Variants in BAG2 observed in about 807,000 individuals in gnomAD.
BAG2 encodes BAG family molecular chaperone regulator 2.
In BAG2, 8 loss-of-function variants were observed where a neutral mutation model predicts 16.4. That is an observed-to-expected ratio of 0.49 (90% CI 0.29 to 0.88). The LOEUF (loss-of-function observed/expected upper bound fraction) is 0.88, where lower values mean the gene tolerates loss of function less well. BAG2 is among the 40% of genes least tolerant of loss of function. BAG2 has a pLI of 0.09. For synonymous variants in BAG2, 82 were observed against 89.2 expected (o/e 0.92, Z 0.46); for missense variants, 218 against 248.9 (o/e 0.88, Z 0.84).
rs1032492787 is a variant in BAG2 at position 57,185,272 on chromosome 6, A to C, written c.*1082A>C. ...TGCATTTTGTTTACTAAAAAGGTTG[A>C]CCAGTGTGTTGATTCTTCTTTTATC... On this transcript the variant is annotated 3_prime_UTR_variant, in exon 3 of 3. Coordinates refer to ENST00000370693, the MANE Select transcript of BAG2 (RefSeq NM_004282.4). 3.3e-5 allele frequency: 5 copies of C among 152,226 alleles called. No individual in the cohort carries two copies. The highest frequency in any genetic ancestry group is 5.9e-5 in the Non-Finnish European group (4 of 68,046). The allele number at this position is 152,226 out of a possible 1,614,324, so 9.4% of individuals were successfully genotyped here.
At position 57,175,953 on chromosome 6, in the gene BAG2, A is replaced by AG. The variant is rs1216300485; in HGVS notation, c.113+3146dup. 3.9e-5 allele frequency among the ~76,000 whole-genome samples: 6 copies of AG among 152,106 alleles called. No homozygotes were observed. The East Asian group carries it at 1.2e-3, about 29-fold the overall frequency. ...TGGAGGCCTAGACTTGCAACGGTGG[A>AG]GGGTGGGGTCTTGGGGACTGAGCTT... On this transcript the variant is annotated intron_variant, in intron 1 of 2. Coordinates refer to ENST00000370693, the MANE Select transcript of BAG2 (RefSeq NM_004282.4).
Position 57,182,060 on chromosome 6 carries a change from G to C in BAG2, c.142G>C (p.Ala48Pro). Residue 48 changes from alanine to proline, a missense_variant, in exon 2 of 3, where the codon GCT becomes CCT. Physicochemically the swap from Ala to Pro is conservative, Grantham distance 27. This residue lies in a region of BAG2 where 75 missense variants were observed against 63.1 expected (regional missense o/e 1.19). Coordinates refer to ENST00000370693, the MANE Select transcript of BAG2 (RefSeq NM_004282.4). ...TGAAGCTTTGAGAGAAGCAGCAACT[G>C]CTGTTGAGCAAGAGAAAGAAATCCT... ...RVEALREAAT[A>P]VEQEKEILLE... is the part of the protein sequence containing the mutation. The C allele has an allele frequency of 2.5e-6, 4 of 1,614,122 alleles. No individual in the cohort carries two copies. The highest frequency in any genetic ancestry group is 3.4e-6 in the Non-Finnish European group (4 of 1,180,010).
chr6:57,180,439 T>TAA (rs374610477), intron 1 of BAG2, among the ~76,000 whole-genome samples: 2 of 145,500 alleles, frequency 1.4e-5, no homozygotes, highest in Non-Finnish European at 1.5e-5. Flanking sequence ...CTAGTGCTAT[T>TAA]AAAAAAAAAA....
intron 1 of BAG2, among the ~76,000 whole-genome samples, chr6:57,175,779 C>A (rs1476789759): frequency 6.6e-6 from 1 of 152,230 alleles, no homozygotes; most frequent in East Asian, 1.9e-4. Context: ...CCCTACACAT[C>A]TCTTTATCCA....
chr6:57,177,780 C>T (rs981818894), intron 1 of BAG2, among the ~76,000 whole-genome samples: 1 of 152,180 alleles, frequency 6.6e-6, no homozygotes, highest in Non-Finnish European at 1.5e-5. Context: ...TCACTGCATA[C>T]TCTATTAGCT....
At chr6:57,172,912 C>A in intron 1 of BAG2, 102 bp downstream of exon 1, 1 of 1,020,676 alleles carries the variant, frequency 9.8e-7, no homozygotes, top group Non-Finnish European at 1.3e-6. Flanking sequence ...GGGCCTGGGG[C>A]ACAGTGAGGC....
At position 57,186,144 on chromosome 6, in the gene BAG2, T is replaced by TC. The variant is rs1324638025; in HGVS notation, c.*1955dup. On this transcript the variant is annotated 3_prime_UTR_variant, in exon 3 of 3. Transcript: ENST00000370693. ...TTTTTTGTTTTGGAGTCTTGCTCTGTCACCCAGGCTGTCTGACAAGTAGAA... is the reference window on the plus strand; with the variant it reads ...TTTTTTGTTTTGGAGTCTTGCTCTGTCCACCCAGGCTGTCTGACAAGTAGAA... 1 of 152,466 alleles carries TC rather than the reference T, an allele frequency of 6.6e-6. No homozygotes were observed. The highest frequency in any genetic ancestry group is 2.4e-5 in the African/African-American group (1 of 41,386). The allele number at this position is 152,466 out of a possible 1,614,324, so 9.4% of individuals were successfully genotyped here.
At chr6:57,174,207 C>T (rs1429950622) in intron 1 of BAG2, 2 of 1,087,082 alleles carry the variant, frequency 1.8e-6, no homozygotes, top group South Asian at 2.6e-5. Context: ...TTTTAGGGAG[C>T]CACATAACAA....
At chr6:57,183,186 G>C (rs2127993470) in intron 2 of BAG2, among the ~76,000 whole-genome samples, 2 of 152,282 alleles carry the variant, frequency 1.3e-5, no homozygotes, top group South Asian at 4.1e-4. Context: ...AATGAATTAG[G>C]AAGTTACAGA....
rs1051409301 is a variant in BAG2, at chr6:57,174,114, C to T, written c.113+1304C>T. 12 of 822,668 alleles carry T rather than the reference C, an allele frequency of 1.5e-5. No individual in the cohort carries two copies. In the South Asian group the frequency reaches 2.8e-4, roughly 20 times the overall value. The allele number at this position is 822,668 out of a possible 1,614,324, so 51.0% of individuals were successfully genotyped here. A position where few individuals can be genotyped will look rare whatever the true frequency, so the allele number is the denominator to read the frequency against. On this transcript the variant is annotated intron_variant, in intron 1 of 2. Transcript: ENST00000370693. ...TTTTCACAATACTGGCAAACCTGAC[C>T]GTTCCACTCCCAGAAAAAGTAGAGC...
In BAG2 at chr6:57,186,541, C is replaced by T. The variant is rs561588104; in HGVS notation, c.*2351C>T. ...CCATATTGGCCAGGCTGGTCTCAAA[C>T]TCCTGACCTTGTGATCTGCCTGCCT... On this transcript the variant is annotated 3_prime_UTR_variant, in exon 3 of 3. Coordinates refer to ENST00000370693, the MANE Select transcript of BAG2 (RefSeq NM_004282.4). The T allele has an allele frequency of 6.6e-6, 1 of 152,388 alleles. No homozygotes were observed. The highest frequency in any genetic ancestry group is 1.5e-5 in the Non-Finnish European group (1 of 68,076). The allele number at this position is 152,388 out of a possible 1,614,324, so 9.4% of individuals were successfully genotyped here. A position where few individuals can be genotyped will look rare whatever the true frequency, so the allele number is the denominator to read the frequency against.
rs376259074 is a variant in BAG2 at position 57,174,774 on chromosome 6, C to T, written c.113+1964C>T. Among the ~76,000 whole-genome samples the T allele has an allele frequency of 4.6e-5, 7 of 152,156 alleles. No individual in the cohort carries two copies. The East Asian group carries it at 5.8e-4, about 13-fold the overall frequency. On this transcript the variant is annotated intron_variant, in intron 1 of 2. Transcript: ENST00000370693. The stretch of plus-strand genomic sequence containing the variant: ...AACACTATTAAAAACTAGAATCATG[C>T]GTAGAAGATCGATTTTTAAAAGAAA...
At chr6:57,176,196 T>C (rs903766263) in intron 1 of BAG2, among the ~76,000 whole-genome samples, 3 of 152,172 alleles carry the variant, frequency 2.0e-5, no homozygotes, top group Non-Finnish European at 4.4e-5. Flanking sequence ...CCCATGTCGT[T>C]GTTACTATTA....
At chr6:57,179,912 A>G (rs1215080034) in intron 1 of BAG2, among the ~76,000 whole-genome samples, 1 of 151,580 alleles carries the variant, frequency 6.6e-6, no homozygotes, top group Non-Finnish European at 1.5e-5. Context: ...AGACAAAGAT[A>G]CCCCCATGAT....
In BAG2 at chr6:57,182,049, A is replaced by C; in HGVS notation, c.131A>C (p.Glu44Ala). The C allele has an allele frequency of 6.2e-7, 1 of 1,614,074 alleles. No individual in the cohort carries two copies. The highest frequency in any genetic ancestry group is 8.5e-7 in the Non-Finnish European group (1 of 1,180,000). Reference sequence around the variant, plus strand: ...TTCTATAGGGTTGAAGCTTTGAGAGAAGCAGCAACTGCTGTTGAGCAAGAG... The same window carrying C: ...TTCTATAGGGTTGAAGCTTTGAGAGCAGCAGCAACTGCTGTTGAGCAAGAG... ...QLELRVEALR[E>A]AATAVEQEKE... The change falls in exon 2 of 3, where the codon GAA (glutamate) becomes GCA (alanine). Residue 44 changes from glutamate (E) to alanine (A), a missense_variant. By Grantham distance (107) the Glu-to-Ala change is moderately radical. Transcript: ENST00000370693.
intron 1 of BAG2, among the ~76,000 whole-genome samples, chr6:57,179,099 A>C (rs1178480108): frequency 2.6e-5 from 4 of 152,180 alleles, no homozygotes; most frequent in African/African-American, 7.2e-5. Context: ...ATTTGTCTAA[A>C]TATTGGAGTC....
chr6:57,188,551 G>GTA lies in BAG2; in HGVS notation c.*4363_*4364dup, dbSNP rs1562646469. ...AAGACAAAAGACTATTTGTTGCAAA[G>GTA]TATTATTTTGTGCAAAAATTAAAGA... On this transcript the variant is annotated 3_prime_UTR_variant, in exon 3 of 3. Transcript: ENST00000370693. The GTA allele has an allele frequency of 2.0e-5, 3 of 152,200 alleles. No individual in the cohort carries two copies. In the South Asian group the frequency reaches 6.2e-4, roughly 31 times the overall value. 9.4% of individuals were successfully genotyped at this position (152,200 alleles called of 1,614,324 possible). A position where few individuals can be genotyped will look rare whatever the true frequency, so the allele number is the denominator to read the frequency against.
chr6:57,178,702 G>T (rs1214471732), intron 1 of BAG2, among the ~76,000 whole-genome samples: 1 of 151,290 alleles, frequency 6.6e-6, no homozygotes, highest in African/African-American at 2.4e-5. Context: ...TATATAAGAA[G>T]TTCTATAAAT....
In BAG2 at chr6:57,184,109, CA is replaced by C; in HGVS notation, c.557del (p.Lys186ArgfsTer6). The C allele has an allele frequency of 6.2e-7, 1 of 1,603,122 alleles. No homozygotes were observed. Among genetic ancestry groups the C allele is most frequent in the Non-Finnish European group, 8.5e-7 (1 of 1,177,162 alleles). ...TGCTTAGAAATATTGAAAACTCTGA[CA>C]AGGCCATCAAGCTATTAGAGCATTC... is the stretch of plus-strand genomic sequence containing the variant. ...TLLRNIENSDKAIKLLEHSKG... is the reference protein window; with the variant it reads ...TLLRNIENSDXAIKLLEHSKG... On this transcript the variant is annotated frameshift_variant, in exon 3 of 3. Coordinates refer to ENST00000370693, the MANE Select transcript of BAG2 (RefSeq NM_004282.4). LOFTEE classifies it high-confidence loss of function.
Sources: allele counts gnomAD v4.1 joint callset (sites outside exome capture counted in the v4.1 genomes callset), GRCh38; gene constraint gnomAD v4.1.1; regional missense constraint gnomAD v4.1.1; transcripts MANE v1.5; gene names NCBI Gene and HGNC (gene_info 2026-07-23, HGNC 2026-07-21).